Variants in MGLL observed in about 807,000 individuals in gnomAD.
MGLL encodes monoglyceride lipase.
Under a neutral mutation model 29.1 loss-of-function variants are expected in MGLL, and 7 were observed. The ratio of observed to expected loss-of-function variants is 0.24; its 90% CI spans 0.14 to 0.45. The LOEUF is 0.45. MGLL is among the 20% of genes least tolerant of loss of function. The pLI is 0.99. For missense variants in MGLL, 356 were observed against 413.6 expected, an observed-to-expected ratio of 0.86 and a Z score of 1.21; for synonymous variants, 148 against 168.3, an observed-to-expected ratio of 0.88 and a Z score of 0.93.
At chr3:127,787,855 G>A (rs1256797271) in intron 2 of MGLL, among the ~76,000 whole-genome samples, 2 of 152,210 alleles carry the variant, frequency 1.3e-5, no homozygotes, top group African/African-American at 2.4e-5. Flanking sequence ...TCTGCCGTCC[G>A]GGCTGCGTGT....
intron 6 of MGLL, among the ~76,000 whole-genome samples, chr3:127,709,495 A>T (rs561872226): frequency 6.6e-6 from 1 of 152,048 alleles, no homozygotes; most frequent in Non-Finnish European, 1.5e-5. Context: ...TGAGTTGCCC[A>T]CTCTCTAAGT....
rs1277000284 is a variant in MGLL at position 127,695,136 on chromosome 3, A to G, written c.655T>C (p.Phe219Leu). 6.2e-7 allele frequency: 1 copy of G among 1,614,090 alleles called. No individual in the cohort carries two copies. Among genetic ancestry groups the G allele is most frequent in the East Asian group, 2.2e-5 (1 of 44,896 alleles). ...LICRAGLKVCFGIQLLNAVSR... is the reference protein window; with the variant it reads ...LICRAGLKVCLGIQLLNAVSR... ...ACGGCATTCAGCAGTTGGATGCCGA[A>G]GCACACCTTCAGCCCTGCCCGGCAG... Residue 219 changes from phenylalanine (F) to leucine (L), a missense_variant, in exon 7 of 8, where the codon TTC (phenylalanine) becomes CTC (leucine). Transcript: ENST00000265052.
chr3:127,774,475 G>A (rs1368756255), intron 3 of MGLL, among the ~76,000 whole-genome samples: 1 of 152,220 alleles, frequency 6.6e-6, no homozygotes, highest in Non-Finnish European at 1.5e-5. Context: ...TGGGCATTCA[G>A]TGAATATCAA....
At chr3:127,694,886 C>A in intron 7 of MGLL, 89 bp downstream of exon 7, 20 of 1,343,072 alleles carry the variant, frequency 1.5e-5, no homozygotes, top group Non-Finnish European at 2.1e-5. Flanking sequence ...AGGTGGCCCT[C>A]GAGGGTCTGG....
At chr3:127,787,685 G>C (rs576684063) in intron 2 of MGLL, among the ~76,000 whole-genome samples, 12 of 152,242 alleles carry the variant, frequency 7.9e-5, no homozygotes, top group Non-Finnish European at 1.5e-4. Context: ...CCTCGCTGGA[G>C]GGGTGGGAGC....
At chr3:127,754,487 C>T (rs941849517) in intron 3 of MGLL, among the ~76,000 whole-genome samples, 1 of 152,218 alleles carries the variant, frequency 6.6e-6, no homozygotes, top group Non-Finnish European at 1.5e-5. Flanking sequence ...CCCTCACCGG[C>T]GTTAACTGGA....
intron 3 of MGLL, among the ~76,000 whole-genome samples, chr3:127,730,320 A>T (rs1036472066): frequency 6.6e-6 from 1 of 151,952 alleles, no homozygotes; most frequent in Non-Finnish European, 1.5e-5. Context: ...CCACTGTTTG[A>T]GAATGCAGCC....
chr3:127,725,496 T>A (rs948053865), intron 3 of MGLL, among the ~76,000 whole-genome samples: 2 of 151,982 alleles, frequency 1.3e-5, no homozygotes, highest in Admixed American at 6.6e-5. Flanking sequence ...CAAATATAAA[T>A]CCTAATTTTT....
chr3:127,795,900 T>C lies in MGLL; in HGVS notation c.156-14005A>G, dbSNP rs940033317. ...ACCCAGTGATAACAATTATGAACAT[T>C]ATGATATATTTCCTTCCAGGTTCTT... is the stretch of plus-strand genomic sequence containing the variant. On this transcript the variant is annotated intron_variant, in intron 2 of 7. Coordinates refer to ENST00000265052, the MANE Select transcript of MGLL (RefSeq NM_007283.7). Among the ~76,000 whole-genome samples the C allele has an allele frequency of 9.2e-5, 14 of 152,224 alleles. 1 individual carries two copies. The highest frequency in any genetic ancestry group is 6.5e-4 in the Admixed American group (10 of 15,278).
At chr3:127,755,001 G>C (rs1262018590) in intron 3 of MGLL, among the ~76,000 whole-genome samples, 1 of 152,068 alleles carries the variant, frequency 6.6e-6, no homozygotes, top group Non-Finnish European at 1.5e-5. Flanking sequence ...TCCACGAGAT[G>C]GTGGGGGTGT....
intron 3 of MGLL, among the ~76,000 whole-genome samples, chr3:127,737,630 CTTTTTTTTTTTTTTTT>C (rs774965066): frequency 5.8e-5 from 4 of 68,610 alleles, no homozygotes; most frequent in African/African-American, 2.9e-4. Context: ...TCAACTGCTT[CTTTTTTTTTTTTTTTT>C]TTTTTTTTTT....
chr3:127,731,573 T>C, intron 3 of MGLL, among the ~76,000 whole-genome samples: 1 of 152,164 alleles, frequency 6.6e-6, no homozygotes, highest in South Asian at 2.1e-4. Context: ...ACTGTCCCCC[T>C]GTCCTGATCA....
intron 6 of MGLL, among the ~76,000 whole-genome samples, chr3:127,708,826 T>C (rs752457860): frequency 2.6e-5 from 4 of 152,202 alleles, no homozygotes; most frequent in African/African-American, 9.7e-5. Context: ...CCTGTCAAAG[T>C]GGGTCCCGTA....
In MGLL at chr3:127,689,368, G is replaced by C. The variant is rs1432481185; in HGVS notation, c.*2830C>G. ...GAGCCCAGCACCACCTGGAAGTGGA[G>C]GGAAGCTGGGTCGCTGCTGGAAGGG... On this transcript the variant is annotated 3_prime_UTR_variant, in exon 8 of 8. Coordinates refer to ENST00000265052, the MANE Select transcript of MGLL (RefSeq NM_007283.7). The C allele has an allele frequency of 6.6e-6, 1 of 152,242 alleles. No individual in the cohort carries two copies. Among genetic ancestry groups the C allele is most frequent in the Non-Finnish European group, 1.5e-5 (1 of 68,060 alleles). 9.4% of individuals were successfully genotyped at this position (152,242 alleles called of 1,614,324 possible).
chr3:127,801,609 T>A (rs2077481206), intron 2 of MGLL, among the ~76,000 whole-genome samples: 1 of 151,758 alleles, frequency 6.6e-6, no homozygotes, highest in African/African-American at 2.4e-5. Flanking sequence ...AGAACAAAAC[T>A]CCGTCTCAAA....
rs1015385942 is a variant in MGLL at position 127,757,771 on chromosome 3, C to T, written c.262+24018G>A. Reference sequence around the variant, plus strand: ...TTCTTGACCCCAACCTGGGTAGATCCGAATCCAAGCTCAGGGTCCTCCTGA... The same window carrying T: ...TTCTTGACCCCAACCTGGGTAGATCTGAATCCAAGCTCAGGGTCCTCCTGA... On this transcript the variant is annotated intron_variant, in intron 3 of 7. Coordinates refer to ENST00000265052, the MANE Select transcript of MGLL (RefSeq NM_007283.7). Among the ~76,000 whole-genome samples the T allele has an allele frequency of 4.6e-5, 7 of 152,166 alleles. No homozygotes were observed. The South Asian group carries it at 8.3e-4, about 18-fold the overall frequency.
chr3:127,727,036 C>T (rs2076059158), intron 3 of MGLL, among the ~76,000 whole-genome samples: 1 of 152,164 alleles, frequency 6.6e-6, no homozygotes, highest in Non-Finnish European at 1.5e-5. Context: ...TGCTATGTTC[C>T]TTTAGTCTTA....
intron 2 of MGLL, among the ~76,000 whole-genome samples, chr3:127,814,546 C>T (rs981202155): frequency 3.9e-5 from 6 of 152,158 alleles, no homozygotes; most frequent in Non-Finnish European, 7.3e-5. Context: ...AGATCTAAAC[C>T]TAAAAGGTGC....
rs569265762 is a variant in MGLL at position 127,821,936 on chromosome 3, A to T, written c.11-98T>A. 7.3e-6 allele frequency: 10 copies of T among 1,378,632 alleles called. No individual in the cohort carries two copies. In the African/African-American group the frequency reaches 1.0e-4, roughly 14 times the overall value. The allele number at this position is 1,378,632 out of a possible 1,614,324, so 85.4% of individuals were successfully genotyped here. ...AGTTCAGAGTCAGTAACATTTTTTT[A>T]AAAGCAGTTTAAAAAACCCCTCTGT... On this transcript the variant is annotated intron_variant, in intron 1 of 7. Transcript: ENST00000265052.
Sources: gnomAD v4.1 joint callset for allele counts (sites outside exome capture counted in the v4.1 genomes callset) on GRCh38, gnomAD v4.1.1 for gene constraint, MANE v1.5 for transcripts, NCBI Gene and HGNC (gene_info 2026-07-23, HGNC 2026-07-21) for gene names.